The following AKAP6 variants were observed in gnomAD, a reference collection of about 807,000 sequenced individuals.
AKAP6 encodes the protein A-kinase anchoring protein 6, also known as A-kinase anchor protein 6.
AKAP6 carries 58 observed loss-of-function variants against 188.5 expected under a neutral mutation model. That is an observed-to-expected ratio of 0.31 (90% CI 0.25 to 0.38). AKAP6 has a LOEUF of 0.38. Ranked by LOEUF, AKAP6 falls within the 10% of genes least tolerant of loss-of-function variation. The pLI, the probability that AKAP6 is intolerant of heterozygous loss-of-function variation, is 1.00. For missense variants in AKAP6, 2,710 were observed against 2,740.0 expected (o/e 0.99, Z 0.24); for synonymous variants, 989 against 998.6 (o/e 0.99, Z 0.18).
chr14:32,787,715 A>G (rs527240885), intron 12 of AKAP6, among the ~76,000 whole-genome samples: 1 of 152,298 alleles, frequency 6.6e-6, no homozygotes, highest in African/African-American at 2.4e-5. Context: ...AAAAGTCTTT[A>G]TGCATGTCAA....
chr14:32,416,487 T>A (rs1226360702), intron 1 of AKAP6, among the ~76,000 whole-genome samples: 1 of 152,236 alleles, frequency 6.6e-6, no homozygotes, highest in Non-Finnish European at 1.5e-5. Flanking sequence ...GCTGTCTTTT[T>A]ATTTTGTTGA....
intron 5 of AKAP6, among the ~76,000 whole-genome samples, chr14:32,596,141 G>A (rs1254377064): frequency 1.3e-5 from 2 of 152,046 alleles, no homozygotes; most frequent in African/African-American, 4.8e-5. Context: ...TACTAAGATT[G>A]AACCACTCTG....
chr14:32,584,001 C>G (rs143541414), intron 5 of AKAP6, among the ~76,000 whole-genome samples: 5,189 of 152,292 alleles, frequency 0.034, 111 homozygotes, highest in East Asian at 0.097. Flanking sequence ...CGCCCACTGT[C>G]TGGCACTCCC....
chr14:32,582,421 C>G (rs1454684203), intron 5 of AKAP6, among the ~76,000 whole-genome samples: 7 of 151,710 alleles, frequency 4.6e-5, no homozygotes, highest in African/African-American at 1.7e-4. Flanking sequence ...TCTGGCTGCC[C>G]TTAACATTTT....
rs573256929 is a variant in AKAP6 at position 32,825,255 on chromosome 14, C to T, written c.*42+440C>T. ...GATGAACAATGATTAGGCTAAAGGC[C>T]ACATCTCCTGATTTGGCCCTTCCTT... On this transcript the variant is annotated intron_variant, in intron 13 of 13. Transcript: ENST00000280979. Among the ~76,000 whole-genome samples, 6 of 152,252 alleles carry T rather than the reference C, an allele frequency of 3.9e-5. No individual in the cohort carries two copies. The South Asian group carries it at 1.2e-3, about 32-fold the overall frequency.
intron 4 of AKAP6, among the ~76,000 whole-genome samples, chr14:32,553,001 C>A (rs1473536900): frequency 6.7e-6 from 1 of 148,204 alleles, no homozygotes; most frequent in East Asian, 1.9e-4. Flanking sequence ...GAGCAGAAGG[C>A]AGGAGGCACA....
rs1224321272 is a variant in AKAP6 at position 32,831,170 on chromosome 14, A to G, written c.*1365A>G. 6.6e-6 allele frequency: 1 copy of G among 152,230 alleles called. No homozygotes were observed. Among genetic ancestry groups the G allele is most frequent in the Non-Finnish European group, 1.5e-5 (1 of 68,038 alleles). 9.4% of individuals were successfully genotyped at this position (152,230 alleles called of 1,614,324 possible). A position where few individuals can be genotyped will look rare whatever the true frequency, so the allele number is the denominator to read the frequency against. ...TGATAGAAAGCTAGTAGAAAAGTAC[A>G]GAAAATTTGACTATTATTTATAGAT... On this transcript the variant is annotated 3_prime_UTR_variant, in exon 14 of 14. Coordinates refer to ENST00000280979, the MANE Select transcript of AKAP6 (RefSeq NM_004274.5).
At chr14:32,691,122 T>A (rs1890160971) in intron 8 of AKAP6, among the ~76,000 whole-genome samples, 1 of 152,174 alleles carries the variant, frequency 6.6e-6, no homozygotes, top group Non-Finnish European at 1.5e-5. Context: ...AAGGGACTCA[T>A]AGTTCTTATA....
chr14:32,763,163 C>G (rs2032596514), intron 11 of AKAP6, among the ~76,000 whole-genome samples: 1 of 152,026 alleles, frequency 6.6e-6, no homozygotes, highest in Admixed American at 6.6e-5. Flanking sequence ...TTTTTAAAAT[C>G]TAGCTTTTAC....
chr14:32,591,597 TCTC>T, intron 5 of AKAP6, among the ~76,000 whole-genome samples: 1 of 151,904 alleles, frequency 6.6e-6, no homozygotes, highest in East Asian at 1.9e-4. Flanking sequence ...AGGAAGAAAG[TCTC>T]CTCAGGAAGA....
intron 7 of AKAP6, among the ~76,000 whole-genome samples, chr14:32,617,238 A>G (rs879462955): frequency 1.3e-5 from 2 of 151,934 alleles, no homozygotes; most frequent in African/African-American, 4.8e-5. Flanking sequence ...GTCCCAGTTT[A>G]TCTTTTGTTG....
chr14:32,351,622 A>AT (rs936964231), intron 1 of AKAP6, among the ~76,000 whole-genome samples: 2 of 152,094 alleles, frequency 1.3e-5, no homozygotes, highest in African/African-American at 4.8e-5. Flanking sequence ...GGAATGGTAG[A>AT]TTTTTAGTAA....
chr14:32,677,268 G>T (rs1889470568), intron 7 of AKAP6, among the ~76,000 whole-genome samples: 1 of 152,210 alleles, frequency 6.6e-6, no homozygotes, highest in Non-Finnish European at 1.5e-5. Context: ...GCCTTGGTCA[G>T]CTGTGGATAC....
rs1473129270 is a variant in AKAP6, at chr14:32,568,976, T to G, written c.2347-8144T>G. Among the ~76,000 whole-genome samples the G allele has an allele frequency of 1.3e-5, 2 of 152,230 alleles. No individual in the cohort carries two copies. The highest frequency in any genetic ancestry group is 2.9e-5 in the Non-Finnish European group (2 of 68,028). ...TTTTTATAAACCCATAGGGAGCAAC[T>G]GAATTCAAAATCTCTAGATTTGTTA... On this transcript the variant is annotated intron_variant, in intron 4 of 13. Coordinates refer to ENST00000280979, the MANE Select transcript of AKAP6 (RefSeq NM_004274.5). The surrounding 1 kb of genome is among the most constrained non-coding windows in gnomAD (Gnocchi z 6.2).
Position 32,546,567 on chromosome 14 carries a change from G to T in AKAP6, c.1914G>T (p.Lys638Asn), listed in dbSNP as rs764315751. 1 of 1,614,166 alleles carries T rather than the reference G, an allele frequency of 6.2e-7. No homozygotes were observed. The highest frequency in any genetic ancestry group is 1.1e-5 in the South Asian group (1 of 91,086). Residue 638 changes from lysine to asparagine, a missense_variant, in exon 4 of 14, where the codon AAG (lysine) becomes AAT (asparagine). Lys to Asn is a moderately conservative substitution (Grantham distance 94). Coordinates refer to ENST00000280979, the MANE Select transcript of AKAP6 (RefSeq NM_004274.5). ...DEYLALPSHL[K>N]QTEVLALKLE... is the part of the protein sequence containing the mutation. ...ACCTAGCACTGCCCTCTCACCTTAA[G>T]CAGACAGAAGTATTGGCTTTGAAGT...
intron 8 of AKAP6, among the ~76,000 whole-genome samples, chr14:32,687,162 T>C (rs900520032): frequency 2.0e-5 from 3 of 152,146 alleles, no homozygotes; most frequent in Admixed American, 6.5e-5. Flanking sequence ...TATATACAAA[T>C]ATAACATCCC....
rs372934349 is a variant in AKAP6, at chr14:32,577,168, A to G, written c.2395A>G (p.Met799Val). The G allele has an allele frequency of 9.9e-6, 16 of 1,612,456 alleles. No individual in the cohort carries two copies. Among genetic ancestry groups the G allele is most frequent in the Middle Eastern group, 1.6e-4 (1 of 6,070 alleles). The change falls in exon 5 of 14, where the codon ATG becomes GTG. Residue 799 changes from methionine (M) to valine (V), a missense_variant. Around this residue, in one of 2 missense-constraint regions of AKAP6, gnomAD observed 2,473 missense variants for 2,426.1 expected, o/e 1.02. Transcript: ENST00000280979. Reference protein sequence around the residue: ...DEFIQWLNEAMETTENWTPPK... With the variant: ...DEFIQWLNEAVETTENWTPPK... Reference sequence around the variant, plus strand: ...ATTCATTCAATGGTTAAATGAAGCCATGGAAACTACAGAAAATTGGACTCC... The same window carrying G: ...ATTCATTCAATGGTTAAATGAAGCCGTGGAAACTACAGAAAATTGGACTCC...
At chr14:32,680,684 C>T (rs1889639821) in intron 8 of AKAP6, among the ~76,000 whole-genome samples, 1 of 152,144 alleles carries the variant, frequency 6.6e-6, no homozygotes, top group African/African-American at 2.4e-5. Flanking sequence ...CAGACTACTC[C>T]AGGGAAGACT....
intron 7 of AKAP6, among the ~76,000 whole-genome samples, chr14:32,664,167 A>G (rs2139587136): frequency 6.6e-6 from 1 of 152,236 alleles, no homozygotes; most frequent in South Asian, 2.1e-4. Flanking sequence ...AAAAAAATGT[A>G]TATTTGTATT....
Sources: allele counts gnomAD v4.1 joint callset (sites outside exome capture counted in the v4.1 genomes callset), GRCh38; gene constraint gnomAD v4.1.1; regional missense constraint gnomAD v4.1.1; non-coding constraint Gnocchi (gnomAD v3.1); transcripts MANE v1.5; gene names NCBI Gene and HGNC (gene_info 2026-07-23, HGNC 2026-07-21).